WNT11: variants seen among roughly 807,000 people sequenced by gnomAD.
WNT11 encodes protein Wnt-11.
A neutral mutation model predicts 35.6 loss-of-function variants in WNT11; 20 were observed. The ratio of observed to expected loss-of-function variants is 0.56; its 90% CI spans 0.40 to 0.82. The LOEUF (loss-of-function observed/expected upper bound fraction) is 0.82, where lower values mean the gene tolerates loss of function less well. WNT11 is among the 40% of genes least tolerant of loss of function. The pLI, the probability that WNT11 is intolerant of heterozygous loss-of-function variation, is 0.00. For synonymous variants in WNT11, 200 were observed against 211.9 expected, an observed-to-expected ratio of 0.94 and a Z score of 0.49; for missense variants, 459 against 504.4, an observed-to-expected ratio of 0.91 and a Z score of 0.86.
chr11:76,191,914 G>A (rs923842304), intron 3 of WNT11, 58 bp from the exon 4 acceptor site: 76 of 1,534,878 alleles, frequency 5.0e-5, no homozygotes, highest in Admixed American at 4.5e-4. Flanking sequence ...GGCCTGACCC[G>A]GGACCCCAGC....
chr11:76,209,642 G>A (rs113090170), upstream of WNT11, among the ~76,000 whole-genome samples: 113 of 149,752 alleles, frequency 7.5e-4, no homozygotes, highest in African/African-American at 2.6e-3. Context: ...TTCGAGAGAC[G>A]TCTGCTTGGC....
At chr11:76,207,151 C>G (rs112032839), upstream of WNT11, among the ~76,000 whole-genome samples, 111 of 152,302 alleles carry the variant, frequency 7.3e-4, no homozygotes, top group African/African-American at 2.5e-3. Context: ...CACCTGAGGT[C>G]AGGAGCTCGA....
intron 3 of WNT11, among the ~76,000 whole-genome samples, chr11:76,193,418 G>A (rs536106559): frequency 2.6e-5 from 4 of 151,412 alleles, no homozygotes; most frequent in African/African-American, 4.9e-5. Context: ...CGTGGCCATG[G>A]TGGTGGGCGT....
At chr11:76,208,017 G>T (rs1953500022), upstream of WNT11, among the ~76,000 whole-genome samples, 2 of 152,202 alleles carry the variant, frequency 1.3e-5, no homozygotes, top group Non-Finnish European at 2.9e-5. Context: ...TAGTGGGGGC[G>T]CTGGAGCAGA....
Position 76,187,212 on chromosome 11 carries a change from G to A in WNT11, c.918C>T (p.Ser306=), listed in dbSNP as rs775912689. Reference sequence around the variant, plus strand: ...CGCAGCACATAAGGTCGCAGCTGTCGCTTCCGTTGGATGTCTTGTTGCACT... The same window carrying A: ...CGCAGCACATAAGGTCGCAGCTGTCACTTCCGTTGGATGTCTTGTTGCACT... ...DRQCNKTSNG[S]DSCDLMCCGR... is the part of the protein sequence containing the mutation. The change falls in exon 5 of 5, where the codon AGC becomes AGT. Residue 306 remains serine, a synonymous_variant. Coordinates refer to ENST00000322563, the MANE Select transcript of WNT11 (RefSeq NM_004626.3). The A allele has an allele frequency of 1.4e-5, 23 of 1,605,154 alleles. No homozygotes were observed. Among genetic ancestry groups the A allele is most frequent in the African/African-American group, 8.0e-5 (6 of 74,910 alleles).
chr11:76,203,327 G>A (rs571839495), intron 1 of WNT11, among the ~76,000 whole-genome samples: 5 of 152,192 alleles, frequency 3.3e-5, no homozygotes, highest in Non-Finnish European at 7.3e-5. Flanking sequence ...ACTCTGCAGC[G>A]CCATGGCCCT....
At position 76,188,004 on chromosome 11, in the gene WNT11, A is replaced by G. The variant is rs560757101; in HGVS notation, c.891-765T>C. 3.3e-5 allele frequency among the ~76,000 whole-genome samples: 5 copies of G among 152,324 alleles called. No homozygotes were observed. The East Asian group carries it at 5.8e-4, about 18-fold the overall frequency. On this transcript the variant is annotated intron_variant, in intron 4 of 4. Coordinates refer to ENST00000322563, the MANE Select transcript of WNT11 (RefSeq NM_004626.3). ...TGCCTCAGCCTCCCGAGTAGCTGGG[A>G]TTACAGGCGTGTGCCACCACACACA...
chr11:76,187,350 C>T (rs1295908749), intron 4 of WNT11, 111 bp from the exon 5 acceptor site: 90 of 1,049,144 alleles, frequency 8.6e-5, no homozygotes, highest in Non-Finnish European at 1.1e-4. Flanking sequence ...ACCGACTCAG[C>T]CCTTCTTAGA....
At chr11:76,201,122 C>G (rs574030540) in intron 1 of WNT11, among the ~76,000 whole-genome samples, 120 of 152,354 alleles carry the variant, frequency 7.9e-4, no homozygotes, top group Non-Finnish European at 1.6e-3. Context: ...CCAGAAGGCT[C>G]AGGGAGAAGG....
intron 1 of WNT11, among the ~76,000 whole-genome samples, chr11:76,204,058 T>C (rs916374037): frequency 1.3e-5 from 2 of 152,182 alleles, no homozygotes; most frequent in Non-Finnish European, 1.5e-5. Context: ...GTTGGGATAT[T>C]TAAATGGAAC....
At chr11:76,204,274 C>A (rs1180069238) in intron 1 of WNT11, among the ~76,000 whole-genome samples, 1 of 152,192 alleles carries the variant, frequency 6.6e-6, no homozygotes, top group Non-Finnish European at 1.5e-5. Context: ...AGACTTTAAT[C>A]CCCTATTGCT....
intron 1 of WNT11, among the ~76,000 whole-genome samples, chr11:76,203,249 G>A (rs887876120): frequency 3.3e-5 from 5 of 152,214 alleles, no homozygotes; most frequent in Admixed American, 6.5e-5. Context: ...GCTCAGAGAA[G>A]CTAAAGCGAT....
chr11:76,194,778 G>A lies in WNT11; in HGVS notation c.386C>T (p.Ala129Val). ...GCCGGGCAGGTCGCCGGAGGTGCAG[G>A]CCCGGGCGATGGCGTGGCTGATGGC... ...AAAISHAIAR[A>V]CTSGDLPGCS... Residue 129 changes from alanine to valine, a missense_variant, in exon 3 of 5, where the codon GCC (alanine) becomes GTC (valine). Physicochemically the swap from Ala to Val is moderately conservative, Grantham distance 64. Coordinates refer to ENST00000322563, the MANE Select transcript of WNT11 (RefSeq NM_004626.3). This position sits in a 1 kb window ranked among gnomAD's most constrained non-coding sequence, Gnocchi z 5.4. 1 of 1,556,366 alleles carries A rather than the reference G, an allele frequency of 6.4e-7. No homozygotes were observed. Among genetic ancestry groups the A allele is most frequent in the South Asian group, 1.2e-5 (1 of 84,698 alleles).
intron 3 of WNT11, among the ~76,000 whole-genome samples, chr11:76,192,214 T>G (rs931645277): frequency 6.6e-6 from 1 of 152,240 alleles, no homozygotes; most frequent in Non-Finnish European, 1.5e-5. Context: ...TCAGAGAGGC[T>G]AAGTCTCATG....
At chr11:76,210,100 G>A (rs1953540442), upstream of WNT11, among the ~76,000 whole-genome samples, 2 of 151,482 alleles carry the variant, frequency 1.3e-5, no homozygotes, top group Middle Eastern at 3.4e-3. Context: ...CCCCACCCCC[G>A]GGGGTGGCTC....
chr11:76,194,680 T>C lies in WNT11; in HGVS notation c.484A>G (p.Ser162Gly), dbSNP rs1315047010. Residue 162 changes from serine to glycine, a missense_variant, in exon 3 of 5, where the codon AGC becomes GGC. Physicochemically the swap from Ser to Gly is moderately conservative, Grantham distance 56. Coordinates refer to ENST00000322563, the MANE Select transcript of WNT11 (RefSeq NM_004626.3). The surrounding 1 kb of genome is among the most constrained non-coding windows in gnomAD (Gnocchi z 5.4). ...TTGGCCCCCATGAGGAGCCCGTAGCTGAGGTTGTCCGCACATCCTCCCCAG... is the reference window on the plus strand; with the variant it reads ...TTGGCCCCCATGAGGAGCCCGTAGCCGAGGTTGTCCGCACATCCTCCCCAG... ...NRWGGCADNL[S>G]YGLLMGAKFS... 9 of 1,550,530 alleles carry C rather than the reference T, an allele frequency of 5.8e-6. No homozygotes were observed. Among genetic ancestry groups the C allele is most frequent in the Non-Finnish European group, 7.8e-6 (9 of 1,146,956 alleles).
At chr11:76,190,362 C>T (rs11236647) in intron 4 of WNT11, among the ~76,000 whole-genome samples, 29,337 of 152,072 alleles carry the variant, frequency 0.19, 3,068 homozygotes, top group Middle Eastern at 0.26. Context: ...CTACCTCAGC[C>T]CAGCCTCTGG....
intron 1 of WNT11, among the ~76,000 whole-genome samples, chr11:76,198,172 C>T (rs1953317767): frequency 2.0e-5 from 3 of 152,230 alleles, no homozygotes; most frequent in Admixed American, 2.0e-4. Flanking sequence ...CTATATCACT[C>T]CCCTTGCGAC....
intron 1 of WNT11, among the ~76,000 whole-genome samples, chr11:76,204,710 G>A (rs968838311): frequency 8.5e-5 from 13 of 152,154 alleles, no homozygotes; most frequent in Admixed American, 5.2e-4. Context: ...GGGGACAGAG[G>A]ACATGGACGT....
Sources: gnomAD v4.1 joint callset for allele counts (sites outside exome capture counted in the v4.1 genomes callset) on GRCh38, gnomAD v4.1.1 for gene constraint, Gnocchi (gnomAD v3.1) non-coding constraint, MANE v1.5 for transcripts, NCBI Gene and HGNC (gene_info 2026-07-23, HGNC 2026-07-21) for gene names.